Variants in EBF3 observed in about 807,000 individuals in gnomAD.
The protein encoded by EBF3 is EBF transcription factor 3.
A neutral mutation model predicts 77.1 loss-of-function variants in EBF3; 18 were observed. The observed-to-expected ratio is 0.23, with a 90% confidence interval of 0.16 to 0.35. EBF3 has a LOEUF of 0.35. Ranked by LOEUF, EBF3 falls within the 10% of genes least tolerant of loss-of-function variation. EBF3 has a pLI of 1.00. For synonymous variants in EBF3, 350 were observed against 343.5 expected, an observed-to-expected ratio of 1.02 and a Z score of -0.21; for missense variants, 558 against 860.0, an observed-to-expected ratio of 0.65 and a Z score of 4.39.
chr10:129,948,708 T>A (rs1293721726), intron 6 of EBF3, among the ~76,000 whole-genome samples: 1 of 152,156 alleles, frequency 6.6e-6, no homozygotes, highest in Non-Finnish European at 1.5e-5. Context: ...TAAAAAATAG[T>A]CTATTCAGTG....
At chr10:129,949,316 GA>G (rs1195094506) in intron 6 of EBF3, among the ~76,000 whole-genome samples, 7 of 152,026 alleles carry the variant, frequency 4.6e-5, no homozygotes, top group Admixed American at 1.3e-4. Flanking sequence ...AACACACACA[GA>G]AAAGAAAAGA....
chr10:129,920,567 T>C (rs188749866), intron 6 of EBF3, among the ~76,000 whole-genome samples: 9 of 152,298 alleles, frequency 5.9e-5, no homozygotes, highest in Non-Finnish European at 1.0e-4. Flanking sequence ...TGGGATAGAA[T>C]TTCAACCAGC....
chr10:129,897,561 G>A lies in EBF3; in HGVS notation c.555-19712C>T, dbSNP rs1352548471. 6.6e-6 allele frequency among the ~76,000 whole-genome samples: 1 copy of A among 151,960 alleles called. No homozygotes were observed. Among genetic ancestry groups the A allele is most frequent in the Non-Finnish European group, 1.5e-5 (1 of 68,000 alleles). On this transcript the variant is annotated intron_variant, in intron 6 of 16. Coordinates refer to ENST00000440978, the MANE Select transcript of EBF3 (RefSeq NM_001375380.1). The surrounding 1 kb of genome is among the most constrained non-coding windows in gnomAD (Gnocchi z 4.6). ...CCTGGGAAAATACAGAGGAAACCCA[G>A]CACACGACCCTTTTATCCGAGAGGC...
Position 129,837,566 on chromosome 10 carries a change from A to AAAATGGTGCATTC in EBF3, c.*364_*376dup, listed in dbSNP as rs754740999. ...TTTTCATCAGCGTTTCATGATCATC[A>AAAATGGTGCATTC]AAATGGTGCATTCACAAAGTTTCTC... On this transcript the variant is annotated 3_prime_UTR_variant, in exon 17 of 17. Coordinates refer to ENST00000440978, the MANE Select transcript of EBF3 (RefSeq NM_001375380.1). The AAAATGGTGCATTC allele has an allele frequency of 3.5e-5, 8 of 225,600 alleles. No homozygotes were observed. Among genetic ancestry groups the AAAATGGTGCATTC allele is most frequent in the Non-Finnish European group, 7.0e-5 (8 of 114,672 alleles). The allele number at this position is 225,600 out of a possible 1,614,324, so 14.0% of individuals were successfully genotyped here.
intron 6 of EBF3, among the ~76,000 whole-genome samples, chr10:129,954,531 G>A (rs1488420186): frequency 2.0e-5 from 3 of 150,734 alleles, no homozygotes; most frequent in Non-Finnish European, 4.4e-5. Flanking sequence ...AGAGTCTATA[G>A]AATGTGATTA....
At chr10:129,907,945 G>A (rs937394474) in intron 6 of EBF3, among the ~76,000 whole-genome samples, 2 of 152,172 alleles carry the variant, frequency 1.3e-5, no homozygotes, top group African/African-American at 4.8e-5. Flanking sequence ...TAGCAGCACT[G>A]AACAGAGAAT....
chr10:129,895,661 C>T (rs1022829005), intron 6 of EBF3, among the ~76,000 whole-genome samples: 3 of 152,202 alleles, frequency 2.0e-5, no homozygotes, highest in Non-Finnish European at 4.4e-5. Flanking sequence ...CCTAAACACA[C>T]CTGTGCTTCT....
At chr10:129,881,125 G>A (rs896574090) in intron 6 of EBF3, among the ~76,000 whole-genome samples, 1 of 152,074 alleles carries the variant, frequency 6.6e-6, no homozygotes, top group Non-Finnish European at 1.5e-5. Context: ...TAATACTCTT[G>A]TTATGAAAGG....
At chr10:129,855,987 G>C (rs980663946) in intron 10 of EBF3, among the ~76,000 whole-genome samples, 22 of 152,360 alleles carry the variant, frequency 1.4e-4, no homozygotes, top group Non-Finnish European at 2.5e-4. Context: ...GTCCCTGCCA[G>C]GGTTGAGGAC....
At chr10:129,893,543 C>T (rs2134206685) in intron 6 of EBF3, among the ~76,000 whole-genome samples, 1 of 152,282 alleles carries the variant, frequency 6.6e-6, no homozygotes. Flanking sequence ...TGATAGGACA[C>T]TTATCAAGTT....
chr10:129,938,742 A>G lies in EBF3; in HGVS notation c.554+18516T>C, dbSNP rs1310621724. On this transcript the variant is annotated intron_variant, in intron 6 of 16. Transcript: ENST00000440978. This position sits in a 1 kb window ranked among gnomAD's most constrained non-coding sequence, Gnocchi z 5.1. ...TGTCCTGGGACCTGGCCTGTGCTCCAAGCAAGTCAAGGCCATTGAGTCAAT... is the reference window on the plus strand; with the variant it reads ...TGTCCTGGGACCTGGCCTGTGCTCCGAGCAAGTCAAGGCCATTGAGTCAAT... 2.6e-5 allele frequency among the ~76,000 whole-genome samples: 4 copies of G among 152,162 alleles called. No individual in the cohort carries two copies. The highest frequency in any genetic ancestry group is 5.9e-5 in the Non-Finnish European group (4 of 68,034).
chr10:129,964,150 G>A lies in EBF3; in HGVS notation c.-382C>T, dbSNP rs1400303261. ...TCTGGCGCGGCCCGCCTGCTCCAAA[G>A]ACAAATAAACGGGGCAGTGAGTGCT... is the stretch of plus-strand genomic sequence containing the variant. On this transcript the variant is annotated 5_prime_UTR_variant, in exon 1 of 17. Coordinates refer to ENST00000440978, the MANE Select transcript of EBF3 (RefSeq NM_001375380.1). This position sits in a 1 kb window ranked among gnomAD's most constrained non-coding sequence, Gnocchi z 4.5. The A allele has an allele frequency of 1.0e-6, 1 of 984,828 alleles. No individual in the cohort carries two copies. Among genetic ancestry groups the A allele is most frequent in the Non-Finnish European group, 1.2e-6 (1 of 829,786 alleles). 61.0% of individuals were successfully genotyped at this position (984,828 alleles called of 1,614,324 possible). A position where few individuals can be genotyped will look rare whatever the true frequency, so the allele number is the denominator to read the frequency against.
chr10:129,852,547 C>T (rs374550899), intron 10 of EBF3, among the ~76,000 whole-genome samples: 11 of 152,176 alleles, frequency 7.2e-5, no homozygotes, highest in Non-Finnish European at 1.6e-4. Flanking sequence ...ATGGCTTAAC[C>T]TTCTTTGTCA....
chr10:129,928,235 T>G (rs911718115), intron 6 of EBF3, among the ~76,000 whole-genome samples: 8 of 152,166 alleles, frequency 5.3e-5, no homozygotes, highest in African/African-American at 1.4e-4. Context: ...AAATAACTGA[T>G]GCCCATTGTA....
intron 10 of EBF3, among the ~76,000 whole-genome samples, chr10:129,849,609 C>T (rs555205816): frequency 6.6e-6 from 1 of 152,308 alleles, no homozygotes; most frequent in African/African-American, 2.4e-5. Flanking sequence ...GGCGTCGGCG[C>T]ATCTTGTAAG....
At chr10:129,910,878 T>C (rs979438140) in intron 6 of EBF3, among the ~76,000 whole-genome samples, 5 of 152,146 alleles carry the variant, frequency 3.3e-5, no homozygotes, top group Non-Finnish European at 5.9e-5. Flanking sequence ...TCCAAGCAGC[T>C]TTACTGCTGC....
At chr10:129,906,820 C>A (rs1014686415) in intron 6 of EBF3, among the ~76,000 whole-genome samples, 4 of 151,832 alleles carry the variant, frequency 2.6e-5, no homozygotes, top group African/African-American at 9.7e-5. Context: ...TTCCTCTGTG[C>A]AATACCACAA....
At chr10:129,877,553 T>G (rs1221832461) in intron 7 of EBF3, among the ~76,000 whole-genome samples, 8 of 151,792 alleles carry the variant, frequency 5.3e-5, no homozygotes, top group Admixed American at 4.6e-4. Flanking sequence ...CGCTATATTG[T>G]GCCCACATTA....
chr10:129,909,925 C>G (rs988054707), intron 6 of EBF3, among the ~76,000 whole-genome samples: 11 of 152,260 alleles, frequency 7.2e-5, no homozygotes, highest in Admixed American at 4.6e-4. Context: ...ATCAATACGC[C>G]TCACAAAGTT....
Sources: allele counts gnomAD v4.1 joint callset (sites outside exome capture counted in the v4.1 genomes callset), GRCh38; gene constraint gnomAD v4.1.1; non-coding constraint Gnocchi (gnomAD v3.1); transcripts MANE v1.5; gene names NCBI Gene and HGNC (gene_info 2026-07-23, HGNC 2026-07-21).